MECR: variants seen among roughly 807,000 people sequenced by gnomAD.
MECR encodes enoyl-[acyl-carrier-protein] reductase, mitochondrial.
Under a neutral mutation model 49.1 loss-of-function variants are expected in MECR, and 37 were observed. The observed-to-expected ratio is 0.75, with a 90% CI of 0.58 to 0.99. MECR has a LOEUF of 0.99. Among genes scored for constraint, MECR ranks in the 50% least tolerant of loss-of-function variants. The probability of loss-of-function intolerance (pLI) is 0.00; values close to 1 mark genes in which losing one functional copy is unlikely to be tolerated. For missense variants in MECR, 470 were observed against 479.6 expected, an observed-to-expected ratio of 0.98 and a Z score of 0.19; for synonymous variants, 198 against 191.1, an observed-to-expected ratio of 1.04 and a Z score of -0.30.
At chr1:29,190,097 G>C (rs1233407507), downstream of MECR, among the ~76,000 whole-genome samples, 2 of 152,118 alleles carry the variant, frequency 1.3e-5, no homozygotes, top group African/African-American at 4.8e-5. Context: ...AGTCAAGGCC[G>C]GGCGCGGTGG....
intron 3 of MECR, among the ~76,000 whole-genome samples, chr1:29,207,109 T>C (rs1272298333): frequency 6.6e-6 from 1 of 152,090 alleles, no homozygotes; most frequent in African/African-American, 2.4e-5. Context: ...TTATGCACAA[T>C]AGATTGTTAT....
At chr1:29,195,253 G>A (rs1287457501) in intron 9 of MECR, among the ~76,000 whole-genome samples, 7 of 152,150 alleles carry the variant, frequency 4.6e-5, no homozygotes, top group Non-Finnish European at 8.8e-5. Flanking sequence ...GCTCCAGGTC[G>A]CTCGGAACCG....
At chr1:29,214,830 C>G (rs1678963824) in intron 3 of MECR, among the ~76,000 whole-genome samples, 1 of 152,168 alleles carries the variant, frequency 6.6e-6, no homozygotes, top group South Asian at 2.1e-4. Context: ...AATTTATGTC[C>G]AATGGATGGA....
chr1:29,192,161 C>T (rs925489634), downstream of MECR, among the ~76,000 whole-genome samples: 1 of 152,148 alleles, frequency 6.6e-6, no homozygotes, highest in African/African-American at 2.4e-5. Flanking sequence ...CTTGGTGCCT[C>T]CCTAGGGCTT....
rs745697954 is a variant in MECR, at chr1:29,217,739, C to T, written c.177-1054G>A. Among the ~76,000 whole-genome samples, 83 of 152,178 alleles carry T rather than the reference C, an allele frequency of 5.5e-4. 1 individual carries two copies. Among genetic ancestry groups the T allele is most frequent in the Non-Finnish European group, 1.6e-4 (11 of 68,038 alleles). On this transcript the variant is annotated intron_variant, in intron 1 of 9. Coordinates refer to ENST00000263702, the MANE Select transcript of MECR (RefSeq NM_016011.5). ...AATCCCAGGCTAGCTGACATGTCCTCCACATGTTTGATTTTATTCTTGGTC... is the reference window on the plus strand; with the variant it reads ...AATCCCAGGCTAGCTGACATGTCCTTCACATGTTTGATTTTATTCTTGGTC...
At chr1:29,227,903 C>G (rs1682510542) in intron 1 of MECR, among the ~76,000 whole-genome samples, 1 of 152,172 alleles carries the variant, frequency 6.6e-6, no homozygotes, top group African/African-American at 2.4e-5. Flanking sequence ...CCTTCTGGAG[C>G]ACGGAGAGAA....
intron 7 of MECR, 74 bp downstream of exon 7, chr1:29,200,442 G>C: frequency 7.0e-7 from 1 of 1,428,038 alleles, no homozygotes; most frequent in South Asian, 1.2e-5. Flanking sequence ...ATGGGACTCA[G>C]TCACTTGATG....
downstream of MECR, among the ~76,000 whole-genome samples, chr1:29,189,997 C>T (rs1190408102): frequency 6.6e-6 from 1 of 152,152 alleles, no homozygotes; most frequent in Non-Finnish European, 1.5e-5. Context: ...ATAAAACAGA[C>T]GCTTATTTCT....
At chr1:29,215,016 C>A (rs895082373) in intron 3 of MECR, among the ~76,000 whole-genome samples, 5 of 151,912 alleles carry the variant, frequency 3.3e-5, no homozygotes, top group African/African-American at 1.2e-4. Context: ...ACACAAGCTA[C>A]CTTTTTAAAA....
At chr1:29,181,847 C>CGGGCGGGCGGCG in the MECR span, 1 of 1,057,194 alleles carries the variant, frequency 9.5e-7, no homozygotes, top group South Asian at 2.3e-5. Flanking sequence ...GCGGCGGCAA[C>CGGGCGGGCGGCG]GGGCGGGCGG....
the MECR span, among the ~76,000 whole-genome samples, chr1:29,175,557 C>T: frequency 5.4e-5 from 8 of 147,994 alleles, no homozygotes; most frequent in South Asian, 2.2e-4. Flanking sequence ...TAGCCGGGAG[C>T]GGTGGCGGGC....
At chr1:29,185,895 G>A in the MECR span, among the ~76,000 whole-genome samples, 1 of 152,136 alleles carries the variant, frequency 6.6e-6, no homozygotes, top group South Asian at 2.1e-4. Context: ...GAGATGGGGG[G>A]GATCTCCTGA....
At chr1:29,221,151 C>T (rs1164950522) in intron 1 of MECR, 2 of 152,228 alleles carry the variant, frequency 1.3e-5, no homozygotes, top group East Asian at 3.9e-4. Context: ...TGTGTACCAT[C>T]ATCACACCTG....
At chr1:29,227,662 G>A in intron 1 of MECR, among the ~76,000 whole-genome samples, 1 of 152,144 alleles carries the variant, frequency 6.6e-6, no homozygotes, top group East Asian at 1.9e-4. Context: ...AACCACACTA[G>A]TTCTGACAAT....
downstream of MECR, among the ~76,000 whole-genome samples, chr1:29,189,552 G>T (rs2151834635): frequency 6.6e-6 from 1 of 152,354 alleles, no homozygotes; most frequent in South Asian, 2.1e-4. Flanking sequence ...TTGTAAAGTA[G>T]AGAAGAGAGG....
At chr1:29,179,509 G>A in the MECR span, among the ~76,000 whole-genome samples, 9 of 152,076 alleles carry the variant, frequency 5.9e-5, no homozygotes, top group Non-Finnish European at 1.2e-4. Context: ...ATAGGCGAGT[G>A]TCACCACGCG....
At chr1:29,214,700 G>A (rs752970926) in intron 3 of MECR, among the ~76,000 whole-genome samples, 1 of 152,144 alleles carries the variant, frequency 6.6e-6, no homozygotes, top group Non-Finnish European at 1.5e-5. Context: ...CTGGGTCGCT[G>A]TAAGTTACAA....
At chr1:29,169,681 A>AC in the MECR span, 12 of 152,314 alleles carry the variant, frequency 7.9e-5, no homozygotes, top group East Asian at 1.5e-3. Context: ...CATAAAGTAA[A>AC]CCAACTGCTG....
the MECR span, among the ~76,000 whole-genome samples, chr1:29,175,467 G>A: frequency 5.3e-5 from 8 of 149,720 alleles, no homozygotes; most frequent in South Asian, 2.1e-4. Flanking sequence ...AGGCCGAGGC[G>A]GGTGGATCAT....
Sources: allele counts gnomAD v4.1 joint callset (sites outside exome capture counted in the v4.1 genomes callset), GRCh38; gene constraint gnomAD v4.1.1; transcripts MANE v1.5; gene names NCBI Gene and HGNC (gene_info 2026-07-23, HGNC 2026-07-21).